MIA2: variants seen among roughly 807,000 people sequenced by gnomAD.
The protein encoded by MIA2 is MIA SH3 domain ER export factor 2, also known as melanoma inhibitory activity protein 2.
In MIA2, 127 loss-of-function variants were observed where a neutral mutation model predicts 167.8. The ratio of observed to expected loss-of-function variants is 0.76; its 90% CI spans 0.66 to 0.88. MIA2 has a LOEUF of 0.88. Ranked by LOEUF, MIA2 falls within the 40% of genes least tolerant of loss-of-function variation. The pLI, the probability that MIA2 is intolerant of heterozygous loss-of-function variation, is 0.00. For synonymous variants in MIA2, 552 were observed against 541.9 expected, an observed-to-expected ratio of 1.02 and a Z score of -0.26; for missense variants, 1,690 against 1,624.7, an observed-to-expected ratio of 1.04 and a Z score of -0.69.
rs563311764 is a variant in MIA2 at position 39,350,303 on chromosome 14, C to G, written c.*39C>G. The G allele has an allele frequency of 1.0e-6, 1 of 979,680 alleles. No individual in the cohort carries two copies. The highest frequency in any genetic ancestry group is 2.9e-5 in the East Asian group (1 of 34,468). The allele number at this position is 979,680 out of a possible 1,614,324, so 60.7% of individuals were successfully genotyped here. On this transcript the variant is annotated 3_prime_UTR_variant, in exon 29 of 29. Coordinates refer to ENST00000640607, the MANE Select transcript of MIA2 (RefSeq NM_001329214.4). ...CTCTTCAAAAGTAATTTTGACTGAT[C>G]TCATTTTCAGTTTAAGTAACTGCTG...
intron 6 of MIA2, among the ~76,000 whole-genome samples, chr14:39,271,166 C>G (rs1246509920): frequency 1.4e-4 from 21 of 152,230 alleles, no homozygotes; most frequent in Admixed American, 1.3e-3. Flanking sequence ...TAGATTCATT[C>G]CTTGGCATGT....
intron 23 of MIA2, among the ~76,000 whole-genome samples, chr14:39,357,459 A>G (rs2074559156): frequency 6.6e-6 from 1 of 151,810 alleles, no homozygotes; most frequent in African/African-American, 2.4e-5. Flanking sequence ...TGCATGTGAG[A>G]TGGGTTTCCT....
intron 25 of MIA2, among the ~76,000 whole-genome samples, chr14:39,333,642 C>T (rs574438971): frequency 7.9e-5 from 12 of 152,178 alleles, no homozygotes; most frequent in Non-Finnish European, 1.5e-4. Context: ...GGAAAACTCA[C>T]CCCATACCCG....
At chr14:39,275,079 A>C (rs1328188426) in intron 6 of MIA2, among the ~76,000 whole-genome samples, 2 of 97,284 alleles carry the variant, frequency 2.1e-5, no homozygotes, top group Non-Finnish European at 5.0e-5. Flanking sequence ...CGTCTCAAAA[A>C]AAAAAAAAAA....
chr14:39,368,032 T>C (rs915653719), intron 23 of MIA2, among the ~76,000 whole-genome samples: 1 of 152,208 alleles, frequency 6.6e-6, no homozygotes, highest in Non-Finnish European at 1.5e-5. Flanking sequence ...GGAAACTTGC[T>C]TTTTTCCCCC....
At chr14:39,386,542 T>G in intron 23 of MIA2, 1 of 1,317,266 alleles carries the variant, frequency 7.6e-7, no homozygotes, top group Admixed American at 2.1e-5. Flanking sequence ...TCCTTTTTCT[T>G]TGGTGATTTT....
intron 10 of MIA2, chr14:39,292,737 T>C: frequency 3.9e-6 from 1 of 256,894 alleles, no homozygotes. Flanking sequence ...AAAATCCATT[T>C]GGAATAATCC....
intron 23 of MIA2, among the ~76,000 whole-genome samples, chr14:39,362,952 G>A (rs1023781953): frequency 6.6e-6 from 1 of 152,148 alleles, no homozygotes; most frequent in Non-Finnish European, 1.5e-5. Context: ...CTGTCATTTA[G>A]GAACATGTCA....
intron 18 of MIA2, among the ~76,000 whole-genome samples, chr14:39,309,944 ATT>A (rs34259123): frequency 0.62 from 93,070 of 149,128 alleles, 29,018 homozygotes; most frequent in East Asian, 0.78. Flanking sequence ...CATGGCATGT[ATT>A]TTTTTTTTTT....
intron 28 of MIA2, among the ~76,000 whole-genome samples, chr14:39,349,660 G>A (rs1169332389): frequency 2.0e-5 from 3 of 152,080 alleles, no homozygotes; most frequent in African/African-American, 7.2e-5. Flanking sequence ...TTTGTTTGGG[G>A]AAATTTTAAG....
chr14:39,326,040 C>G (rs1211324215), intron 24 of MIA2, among the ~76,000 whole-genome samples: 1 of 152,148 alleles, frequency 6.6e-6, no homozygotes, highest in Non-Finnish European at 1.5e-5. Flanking sequence ...AATTAAGGTA[C>G]TATCTTTTCT....
intron 23 of MIA2, among the ~76,000 whole-genome samples, chr14:39,359,191 G>A (rs1425173934): frequency 2.6e-5 from 4 of 152,214 alleles, no homozygotes; most frequent in African/African-American, 9.6e-5. Context: ...GAGCTGTGAT[G>A]TGCTCCACCC....
At chr14:39,267,148 C>T (rs1254655200) in intron 6 of MIA2, 7 of 1,159,622 alleles carry the variant, frequency 6.0e-6, no homozygotes, top group Non-Finnish European at 7.5e-6. Flanking sequence ...CTCGCGGCTG[C>T]CCGGCCGAAA....
intron 13 of MIA2, among the ~76,000 whole-genome samples, chr14:39,299,068 T>TAAAAAA (rs3065043): frequency 1.4e-4 from 6 of 44,024 alleles, no homozygotes; most frequent in Admixed American, 3.8e-4. Flanking sequence ...TCCCTGCCTC[T>TAAAAAA]AAAAAAAAAA....
At chr14:39,384,348 G>A (rs576809308) in intron 23 of MIA2, among the ~76,000 whole-genome samples, 1 of 152,066 alleles carries the variant, frequency 6.6e-6, no homozygotes, top group Non-Finnish European at 1.5e-5. Flanking sequence ...TCAGAAAAAG[G>A]CTCCTTTTAA....
chr14:39,277,490 T>G (rs1370627422), intron 7 of MIA2, among the ~76,000 whole-genome samples: 2 of 150,970 alleles, frequency 1.3e-5, no homozygotes, highest in African/African-American at 4.9e-5. Flanking sequence ...TGTGACACTG[T>G]ACTCCAGCCT....
intron 3 of MIA2, among the ~76,000 whole-genome samples, chr14:39,245,860 T>G (rs545385046): frequency 6.6e-6 from 1 of 152,212 alleles, no homozygotes; most frequent in Admixed American, 6.5e-5. Context: ...TCAACAATAT[T>G]GCATTTGGGA....
chr14:39,249,537 CA>C (rs56249977), intron 4 of MIA2, among the ~76,000 whole-genome samples: 22,179 of 139,332 alleles, frequency 0.16, 1,678 homozygotes, highest in South Asian at 0.22. Flanking sequence ...AAAACTCAAG[CA>C]AAAAAAAAAA....
At chr14:39,366,333 G>C (rs1415811324) in intron 23 of MIA2, among the ~76,000 whole-genome samples, 1 of 152,096 alleles carries the variant, frequency 6.6e-6, no homozygotes, top group Non-Finnish European at 1.5e-5. Context: ...TTGGGTGCTG[G>C]TAGTTGCATT....
Sources: allele counts gnomAD v4.1 joint callset (sites outside exome capture counted in the v4.1 genomes callset), GRCh38; gene constraint gnomAD v4.1.1; transcripts MANE v1.5; gene names NCBI Gene and HGNC (gene_info 2026-07-23, HGNC 2026-07-21).